CDK19: variants seen among roughly 807,000 people sequenced by gnomAD.
CDK19 encodes cyclin dependent kinase 19.
CDK19 carries 20 observed loss-of-function variants against 68.3 expected under a neutral mutation model. The ratio of observed to expected loss-of-function variants is 0.29; its 90% CI spans 0.21 to 0.43. The LOEUF is 0.43. Ranked by LOEUF, CDK19 falls within the 20% of genes least tolerant of loss-of-function variation. CDK19 has a pLI of 1.00. For synonymous variants in CDK19, 221 were observed against 222.8 expected, an observed-to-expected ratio of 0.99 and a Z score of 0.07; for missense variants, 339 against 623.5, an observed-to-expected ratio of 0.54 and a Z score of 4.86.
chr6:110,798,885 G>GT (rs1782143240), intron 1 of CDK19, among the ~76,000 whole-genome samples: 1 of 151,942 alleles, frequency 6.6e-6, no homozygotes, highest in African/African-American at 2.4e-5. Flanking sequence ...GCTCACGCCT[G>GT]TAATCCTAGT....
intron 1 of CDK19, among the ~76,000 whole-genome samples, chr6:110,796,320 A>G (rs1243132403): frequency 1.3e-5 from 2 of 151,906 alleles, no homozygotes; most frequent in Non-Finnish European, 2.9e-5. Flanking sequence ...CTGGCAACAG[A>G]GTGAGATTCC....
intron 2 of CDK19, among the ~76,000 whole-genome samples, chr6:110,680,181 C>T (rs899902197): frequency 6.6e-6 from 1 of 152,172 alleles, no homozygotes; most frequent in African/African-American, 2.4e-5. Context: ...AAATTAGCAC[C>T]TACTCTACCA....
chr6:110,740,521 G>A (rs1031220664), intron 2 of CDK19, among the ~76,000 whole-genome samples: 14 of 152,162 alleles, frequency 9.2e-5, no homozygotes, highest in African/African-American at 2.9e-4. Flanking sequence ...TTAGTGAGAC[G>A]AGGTAATAAC....
At chr6:110,622,721 TA>T in intron 10 of CDK19, 93 bp downstream of exon 10, 1 of 809,904 alleles carries the variant, frequency 1.2e-6, no homozygotes, top group Non-Finnish European at 2.2e-6. Flanking sequence ...TTGAAAAAGT[TA>T]AATACTTCAG....
intron 2 of CDK19, among the ~76,000 whole-genome samples, chr6:110,677,603 G>C (rs1390196516): frequency 6.7e-6 from 1 of 149,608 alleles, no homozygotes; most frequent in Admixed American, 6.7e-5. Context: ...AGAAGAAGAA[G>C]AAGTGTCACC....
chr6:110,809,177 T>G (rs975468483), intron 1 of CDK19, among the ~76,000 whole-genome samples: 9 of 149,236 alleles, frequency 6.0e-5, no homozygotes, highest in Non-Finnish European at 8.9e-5. Flanking sequence ...ACTGCGCCAC[T>G]GCACTCCAGC....
At chr6:110,629,199 A>G (rs1460588879) in intron 6 of CDK19, among the ~76,000 whole-genome samples, 1 of 152,212 alleles carries the variant, frequency 6.6e-6, no homozygotes, top group Non-Finnish European at 1.5e-5. Flanking sequence ...AACTGCTAAC[A>G]TAAGAAACCT....
At chr6:110,785,528 T>C (rs1781145928) in intron 1 of CDK19, among the ~76,000 whole-genome samples, 1 of 152,194 alleles carries the variant, frequency 6.6e-6, no homozygotes, top group Non-Finnish European at 1.5e-5. Context: ...TATTCATTAG[T>C]AGAAGTGGAT....
At chr6:110,649,033 T>C (rs1227894822) in intron 4 of CDK19, among the ~76,000 whole-genome samples, 1 of 152,032 alleles carries the variant, frequency 6.6e-6, no homozygotes. Context: ...TTAAATGACA[T>C]TTTGAAAGTC....
chr6:110,661,601 C>A (rs1781623440), intron 4 of CDK19, among the ~76,000 whole-genome samples: 2 of 152,134 alleles, frequency 1.3e-5, no homozygotes, highest in African/African-American at 4.8e-5. Context: ...AGGTATGTGC[C>A]ACCCTACCCA....
rs188024067 is a variant in CDK19 at position 110,745,341 on chromosome 6, A to G, written c.204+785T>C. On this transcript the variant is annotated intron_variant, in intron 2 of 12. Transcript: ENST00000368911. ...ACAATCATTTCTTAAATGTACTAGTATGATATATAAAGACCAAAACAGGGA... is the reference window on the plus strand; with the variant it reads ...ACAATCATTTCTTAAATGTACTAGTGTGATATATAAAGACCAAAACAGGGA... Among the ~76,000 whole-genome samples, 271 of 152,250 alleles carry G rather than the reference A, an allele frequency of 1.8e-3. 1 individual carries two copies. Among genetic ancestry groups the G allele is most frequent in the Non-Finnish European group, 1.9e-3 (126 of 68,004 alleles).
intron 1 of CDK19, among the ~76,000 whole-genome samples, chr6:110,767,813 TA>T (rs1779699919): frequency 6.6e-6 from 1 of 152,196 alleles, no homozygotes; most frequent in South Asian, 2.1e-4. Flanking sequence ...ATATATCAAT[TA>T]AAAATATTTT....
chr6:110,711,853 AG>A (rs1477379277), intron 2 of CDK19, among the ~76,000 whole-genome samples: 1 of 152,210 alleles, frequency 6.6e-6, no homozygotes, highest in Non-Finnish European at 1.5e-5. Context: ...CTGCAGTCCT[AG>A]CTACTTGGGA....
intron 2 of CDK19, among the ~76,000 whole-genome samples, chr6:110,698,421 A>G (rs112465426): frequency 0.021 from 3,162 of 152,278 alleles, 95 homozygotes; most frequent in African/African-American, 0.073. Context: ...CAACATCACT[A>G]ATCATCAGGG....
intron 12 of CDK19, 111 bp from the exon 13 acceptor site, chr6:110,614,777 A>G: frequency 9.6e-7 from 1 of 1,042,172 alleles, no homozygotes; most frequent in East Asian, 2.4e-5. Context: ...TTCCTGGTTC[A>G]GACACACATA....
chr6:110,758,971 A>T (rs538693744), intron 1 of CDK19, among the ~76,000 whole-genome samples: 2,929 of 152,156 alleles, frequency 0.019, 96 homozygotes, highest in African/African-American at 0.067. Flanking sequence ...CTTAAAAAAA[A>T]AAATGATGGG....
intron 2 of CDK19, among the ~76,000 whole-genome samples, chr6:110,738,554 A>G (rs1430472699): frequency 6.6e-6 from 1 of 152,052 alleles, no homozygotes; most frequent in Non-Finnish European, 1.5e-5. Context: ...ACAAAATATA[A>G]AAACAACTGA....
intron 8 of CDK19, 174 bp from the exon 9 acceptor site, chr6:110,623,536 G>T: frequency 2.5e-6 from 1 of 404,644 alleles, no homozygotes; most frequent in Non-Finnish European, 3.3e-6. Context: ...AATAGGAACT[G>T]TCACACACAA....
chr6:110,729,014 C>A (rs1776553596), intron 2 of CDK19, among the ~76,000 whole-genome samples: 1 of 152,014 alleles, frequency 6.6e-6, no homozygotes, highest in Non-Finnish European at 1.5e-5. Flanking sequence ...GCAATGTATA[C>A]CTCCTGAATG....
Sources: gnomAD v4.1 joint callset for allele counts (sites outside exome capture counted in the v4.1 genomes callset) on GRCh38, gnomAD v4.1.1 for gene constraint, MANE v1.5 for transcripts, NCBI Gene and HGNC (gene_info 2026-07-23, HGNC 2026-07-21) for gene names.